EVC2: variants seen among roughly 807,000 people sequenced by gnomAD.
The protein encoded by EVC2 is limbin.
EVC2 carries 148 observed loss-of-function variants against 149.3 expected under a neutral mutation model. The observed-to-expected ratio is 0.99, with a 90% CI of 0.87 to 1.14. The LOEUF (loss-of-function observed/expected upper bound fraction) is 1.14. Among genes scored for constraint, EVC2 ranks in the 50% most tolerant of loss-of-function variants. EVC2 has a pLI of 0.00. For missense variants in EVC2, 1,854 were observed against 1,627.3 expected (o/e 1.14, Z -2.40); for synonymous variants, 776 against 649.9 (o/e 1.19, Z -2.95).
chr4:5,642,300 C>G (rs1391939358), intron 9 of EVC2, among the ~76,000 whole-genome samples: 14 of 152,150 alleles, frequency 9.2e-5, no homozygotes, highest in Non-Finnish European at 1.5e-5. Flanking sequence ...ATATTTTCTT[C>G]CAGCCTTTTT....
the EVC2 span, among the ~76,000 whole-genome samples, chr4:5,533,109 C>A: frequency 1.3e-5 from 2 of 150,944 alleles, no homozygotes; most frequent in African/African-American, 4.9e-5. Context: ...GGGAGACAGA[C>A]AATAAACCAG....
At chr4:5,571,765 T>C (rs890635635) in intron 19 of EVC2, among the ~76,000 whole-genome samples, 1 of 152,238 alleles carries the variant, frequency 6.6e-6, no homozygotes, top group African/African-American at 2.4e-5. Flanking sequence ...AGATGTTCAG[T>C]TGAGCATTCC....
At chr4:5,708,223 G>A (rs1249149233) in intron 1 of EVC2, 63 bp downstream of exon 1, 13 of 1,358,980 alleles carry the variant, frequency 9.6e-6, no homozygotes, top group Middle Eastern at 1.8e-4. Context: ...CCCTGCCACC[G>A]CCGGTGTAGA....
At chr4:5,554,743 G>A (rs964049783) in intron 21 of EVC2, among the ~76,000 whole-genome samples, 6 of 152,294 alleles carry the variant, frequency 3.9e-5, no homozygotes, top group African/African-American at 1.4e-4. Flanking sequence ...ATCATAGCCA[G>A]AAGCCCTTCC....
intron 16 of EVC2, among the ~76,000 whole-genome samples, chr4:5,599,886 T>G (rs1713833713): frequency 6.6e-6 from 1 of 152,190 alleles, no homozygotes; most frequent in South Asian, 2.1e-4. Flanking sequence ...GAAAGTAGAT[T>G]CACTGATGGT....
rs1008731602 is a variant in EVC2, at chr4:5,677,911, C to A, written c.870+3349G>T. 6.6e-6 allele frequency among the ~76,000 whole-genome samples: 1 copy of A among 152,194 alleles called. No individual in the cohort carries two copies. The highest frequency in any genetic ancestry group is 1.9e-4 in the East Asian group (1 of 5,188). On this transcript the variant is annotated intron_variant, in intron 7 of 21. Coordinates refer to ENST00000344408, the MANE Select transcript of EVC2 (RefSeq NM_147127.5). This position sits in a 1 kb window ranked among gnomAD's most constrained non-coding sequence, Gnocchi z 4.3. ...TAACGCCAGCCTTGTACTTTCTCTTCGTCTCTTCTGTGCAGGACTCTGGCT... is the reference window on the plus strand; with the variant it reads ...TAACGCCAGCCTTGTACTTTCTCTTAGTCTCTTCTGTGCAGGACTCTGGCT...
At chr4:5,536,029 A>G in the EVC2 span, among the ~76,000 whole-genome samples, 1 of 151,840 alleles carries the variant, frequency 6.6e-6, no homozygotes, top group Non-Finnish European at 1.5e-5. Context: ...CTCTACCTAC[A>G]GGCCCATCTG....
intron 9 of EVC2, among the ~76,000 whole-genome samples, chr4:5,649,580 A>G (rs1717966020): frequency 6.6e-6 from 1 of 152,236 alleles, no homozygotes; most frequent in Non-Finnish European, 1.5e-5. Flanking sequence ...CAAAATTAGG[A>G]TAGAATTTGA....
rs891034537 is a variant in EVC2, at chr4:5,657,584, G to A, written c.1145+5523C>T. On this transcript the variant is annotated intron_variant, in intron 9 of 21. Coordinates refer to ENST00000344408, the MANE Select transcript of EVC2 (RefSeq NM_147127.5). This position sits in a 1 kb window ranked among gnomAD's most constrained non-coding sequence, Gnocchi z 4.7. ...ATAGCCTCAAATTTTCTCTGCAGGCGACTTTCCACCAAGAACACCATTGTG... is the reference window on the plus strand; with the variant it reads ...ATAGCCTCAAATTTTCTCTGCAGGCAACTTTCCACCAAGAACACCATTGTG... Among the ~76,000 whole-genome samples the A allele has an allele frequency of 6.6e-6, 1 of 151,816 alleles. No homozygotes were observed. The highest frequency in any genetic ancestry group is 1.5e-5 in the Non-Finnish European group (1 of 68,002).
chr4:5,701,908 C>T (rs1721851947), intron 1 of EVC2, among the ~76,000 whole-genome samples: 1 of 152,062 alleles, frequency 6.6e-6, no homozygotes, highest in Admixed American at 6.5e-5. Flanking sequence ...ATCCACAATC[C>T]AGCAACCTCT....
intron 16 of EVC2, among the ~76,000 whole-genome samples, chr4:5,597,276 T>G (rs1243344581): frequency 6.6e-6 from 1 of 152,146 alleles, no homozygotes; most frequent in African/African-American, 2.4e-5. Context: ...AAAGAGAATT[T>G]TAGACCAATA....
chr4:5,583,298 T>G (rs948641088), intron 17 of EVC2, among the ~76,000 whole-genome samples: 5 of 152,244 alleles, frequency 3.3e-5, no homozygotes, highest in Non-Finnish European at 7.3e-5. Flanking sequence ...CATGCAAGAT[T>G]GAAGTATAAT....
rs1253403779 is a variant in EVC2 at position 5,694,394 on chromosome 4, T to TA, written c.390dup (p.Ile131TyrfsTer6). ...AAGTTCTTCTTAGGCCAGGAGGGTA[T>TA]AAAAGCAAATAAGGAATGAGCCCAT... On this transcript the variant is annotated frameshift_variant, in exon 3 of 22. Transcript: ENST00000344408. LOFTEE classifies it high-confidence loss of function. 10 of 1,614,032 alleles carry TA rather than the reference T, an allele frequency of 6.2e-6. No individual in the cohort carries two copies. Among genetic ancestry groups the TA allele is most frequent in the Non-Finnish European group, 7.6e-6 (9 of 1,180,006 alleles).
chr4:5,666,462 T>A (rs1719292000), intron 7 of EVC2, among the ~76,000 whole-genome samples: 1 of 152,248 alleles, frequency 6.6e-6, no homozygotes, highest in Non-Finnish European at 1.5e-5. Flanking sequence ...GCTACATTTT[T>A]AGTTTGCTTC....
Position 5,625,594 on chromosome 4 carries a change from C to T in EVC2, c.2046+155G>A, listed in dbSNP as rs890836100. Reference sequence around the variant, plus strand: ...TGCTGAACACAGCATTCCAAAAAGTCGCTACCAATCAACAGTAGATGGCAC... The same window carrying T: ...TGCTGAACACAGCATTCCAAAAAGTTGCTACCAATCAACAGTAGATGGCAC... On this transcript the variant is annotated intron_variant, in intron 13 of 21. Coordinates refer to ENST00000344408, the MANE Select transcript of EVC2 (RefSeq NM_147127.5). The surrounding 1 kb of genome is among the most constrained non-coding windows in gnomAD (Gnocchi z 4.0). 2.6e-5 allele frequency among the ~76,000 whole-genome samples: 4 copies of T among 152,166 alleles called. No homozygotes were observed. The highest frequency in any genetic ancestry group is 5.9e-5 in the Non-Finnish European group (4 of 68,034).
At chr4:5,664,025 C>G (rs1454566696) in intron 8 of EVC2, among the ~76,000 whole-genome samples, 2 of 152,204 alleles carry the variant, frequency 1.3e-5, no homozygotes, top group Non-Finnish European at 2.9e-5. Flanking sequence ...TCTGTGTTGT[C>G]TCCAATATCA....
At chr4:5,642,306 T>A (rs1186235173) in intron 9 of EVC2, among the ~76,000 whole-genome samples, 1 of 152,214 alleles carries the variant, frequency 6.6e-6, no homozygotes, top group Non-Finnish European at 1.5e-5. Flanking sequence ...TCTTCCAGCC[T>A]TTTTTCTATG....
At chr4:5,559,167 C>T (rs923022079), downstream of EVC2, among the ~76,000 whole-genome samples, 1 of 152,142 alleles carries the variant, frequency 6.6e-6, no homozygotes, top group Non-Finnish European at 1.5e-5. This position sits in a 1 kb window ranked among gnomAD's most constrained non-coding sequence, Gnocchi z 5.0. Context: ...TGTGATTGTA[C>T]ACTGCACTCC....
In EVC2 at chr4:5,680,577, T is replaced by G. The variant is rs1015433039; in HGVS notation, c.870+683A>C. Among the ~76,000 whole-genome samples, 3 of 152,160 alleles carry G rather than the reference T, an allele frequency of 2.0e-5. No homozygotes were observed. In the East Asian group the frequency reaches 5.8e-4, roughly 29 times the overall value. On this transcript the variant is annotated intron_variant, in intron 7 of 21. Coordinates refer to ENST00000344408, the MANE Select transcript of EVC2 (RefSeq NM_147127.5). ...GAGAATCACCGAACCCGGGGGTGGG[T>G]GTTGGGGACCCTGACATTCTAGCCA... is the stretch of plus-strand genomic sequence containing the variant.
Sources: gnomAD v4.1 joint callset for allele counts (sites outside exome capture counted in the v4.1 genomes callset) on GRCh38, gnomAD v4.1.1 for gene constraint, Gnocchi (gnomAD v3.1) non-coding constraint, MANE v1.5 for transcripts, NCBI Gene and HGNC (gene_info 2026-07-23, HGNC 2026-07-21) for gene names.